The following SNX24 variants were observed in gnomAD, a reference collection of about 807,000 sequenced individuals.
The protein encoded by SNX24 is sorting nexin-24.
SNX24 carries 22 observed loss-of-function variants against 28.7 expected under a neutral mutation model. The ratio of observed to expected loss-of-function variants is 0.77; its 90% confidence interval spans 0.55 to 1.10. The LOEUF (loss-of-function observed/expected upper bound fraction) is 1.10. Among genes scored for constraint, SNX24 ranks in the 50% least tolerant of loss-of-function variants. The pLI is 0.00. For missense variants in SNX24, 221 were observed against 201.1 expected (o/e 1.10, Z -0.60); for synonymous variants, 69 against 71.5 (o/e 0.96, Z 0.18).
intron 3 of SNX24, among the ~76,000 whole-genome samples, chr5:122,994,794 G>C (rs551011605): frequency 1.1e-4 from 16 of 152,066 alleles, no homozygotes; most frequent in South Asian, 2.1e-4. Context: ...GAAATATCTG[G>C]TCTGCTTTAG....
intron 2 of SNX24, among the ~76,000 whole-genome samples, chr5:122,943,566 A>G (rs1759554776): frequency 6.6e-6 from 1 of 152,186 alleles, no homozygotes; most frequent in Admixed American, 6.5e-5. Flanking sequence ...GGCAGAATTC[A>G]GTGGCTTGCA....
chr5:123,028,103 C>T (rs1762886847), intron 5 of SNX24, among the ~76,000 whole-genome samples: 1 of 152,164 alleles, frequency 6.6e-6, no homozygotes, highest in Admixed American at 6.5e-5. Context: ...AAGCTTGGGT[C>T]CTGACGAAAC....
intron 5 of SNX24, among the ~76,000 whole-genome samples, chr5:123,025,289 T>C (rs1213616461): frequency 2.0e-5 from 3 of 152,210 alleles, no homozygotes; most frequent in Non-Finnish European, 2.9e-5. Context: ...CTTATACCTA[T>C]TAAATACAAC....
intron 1 of SNX24, among the ~76,000 whole-genome samples, chr5:122,935,937 T>C (rs1274708122): frequency 1.3e-5 from 2 of 152,216 alleles, no homozygotes; most frequent in African/African-American, 4.8e-5. Context: ...ACTTTTGGAA[T>C]GACAGAGCTC....
chr5:122,953,301 C>T (rs1760047962), intron 3 of SNX24, among the ~76,000 whole-genome samples: 2 of 152,082 alleles, frequency 1.3e-5, no homozygotes, highest in Admixed American at 6.6e-5. Flanking sequence ...AACAGGGTTT[C>T]GCCATGTTGG....
chr5:122,925,008 C>A (rs1385391967), intron 1 of SNX24, among the ~76,000 whole-genome samples: 1 of 147,750 alleles, frequency 6.8e-6, no homozygotes, highest in Non-Finnish European at 1.5e-5. Flanking sequence ...TCCCCTTCGT[C>A]TTCCCCTCCC....
At chr5:123,015,642 G>A (rs1265461906) in intron 5 of SNX24, among the ~76,000 whole-genome samples, 1 of 152,142 alleles carries the variant, frequency 6.6e-6, no homozygotes, top group Non-Finnish European at 1.5e-5. Context: ...AGTCTGGAGA[G>A]CTGACTAGCC....
intron 1 of SNX24, among the ~76,000 whole-genome samples, chr5:122,876,468 C>T (rs72796861): frequency 0.11 from 16,673 of 152,150 alleles, 1,308 homozygotes; most frequent in East Asian, 0.36. Context: ...TAAAAAGTGC[C>T]ATTTAACCTC....
At chr5:122,856,238 T>A (rs547209624) in intron 1 of SNX24, among the ~76,000 whole-genome samples, 1 of 152,270 alleles carries the variant, frequency 6.6e-6, no homozygotes, top group East Asian at 1.9e-4. Context: ...GGTTTTCTGT[T>A]TCTGTGTGTG....
chr5:122,904,661 A>G (rs958645500), intron 1 of SNX24, among the ~76,000 whole-genome samples: 4 of 152,224 alleles, frequency 2.6e-5, no homozygotes, highest in Non-Finnish European at 5.9e-5. Flanking sequence ...CTCATTAATA[A>G]TTTACATGAT....
intron 1 of SNX24, among the ~76,000 whole-genome samples, chr5:122,935,932 T>A (rs1051114357): frequency 6.6e-6 from 1 of 152,228 alleles, no homozygotes. Context: ...TACAAACTTT[T>A]GGAATGACAG....
chr5:122,878,476 G>T lies in SNX24; in HGVS notation c.60+32783G>T, dbSNP rs915627160. The stretch of plus-strand genomic sequence containing the variant: ...GAAGGAAAAGCAGGGTCAGGTCAAG[G>T]CTTTTTGTAAATCAGACCAAAGACA... On this transcript the variant is annotated intron_variant, in intron 1 of 6. Transcript: ENST00000261369. 1.7e-4 allele frequency among the ~76,000 whole-genome samples: 26 copies of T among 152,180 alleles called. 1 individual carries two copies. The highest frequency in any genetic ancestry group is 9.8e-4 in the Admixed American group (15 of 15,274).
intron 3 of SNX24, among the ~76,000 whole-genome samples, chr5:122,959,272 G>T (rs549196182): frequency 6.9e-6 from 1 of 144,946 alleles, no homozygotes; most frequent in East Asian, 2.1e-4. Context: ...TTTCATTTAG[G>T]TTATACGATT....
intron 2 of SNX24, among the ~76,000 whole-genome samples, chr5:122,939,048 A>G (rs1444122978): frequency 6.6e-6 from 1 of 152,174 alleles, no homozygotes; most frequent in Non-Finnish European, 1.5e-5. Context: ...ATTGTGTGCT[A>G]AGAAGGGTTG....
intron 3 of SNX24, among the ~76,000 whole-genome samples, chr5:122,954,627 C>T (rs1271570458): frequency 6.6e-6 from 1 of 151,814 alleles, no homozygotes; most frequent in East Asian, 1.9e-4. Context: ...TATTTTAACT[C>T]TGTTTACGCT....
intron 1 of SNX24, among the ~76,000 whole-genome samples, chr5:122,862,830 C>T (rs1264380454): frequency 1.3e-5 from 2 of 151,696 alleles, no homozygotes; most frequent in Non-Finnish European, 2.9e-5. Context: ...GTCAATTTGG[C>T]AGTATATATT....
chr5:122,862,161 C>T (rs376790068), intron 1 of SNX24, among the ~76,000 whole-genome samples: 3 of 152,026 alleles, frequency 2.0e-5, no homozygotes, highest in Admixed American at 6.6e-5. Context: ...AGGAGGGACA[C>T]GTACTGGGGT....
chr5:122,972,083 G>C (rs1358111521), intron 3 of SNX24, among the ~76,000 whole-genome samples: 1 of 152,148 alleles, frequency 6.6e-6, no homozygotes, highest in Non-Finnish European at 1.5e-5. Context: ...ATTCCATCTT[G>C]ATAGTCTTGG....
At chr5:122,984,506 G>A (rs1219969626) in intron 3 of SNX24, among the ~76,000 whole-genome samples, 1 of 152,172 alleles carries the variant, frequency 6.6e-6, no homozygotes, top group East Asian at 1.9e-4. Flanking sequence ...GCTGTTTAAT[G>A]TAATTAGTTT....
Sources: gnomAD v4.1 joint callset for allele counts (sites outside exome capture counted in the v4.1 genomes callset) on GRCh38, gnomAD v4.1.1 for gene constraint, MANE v1.5 for transcripts, NCBI Gene and HGNC (gene_info 2026-07-23, HGNC 2026-07-21) for gene names.